KLRG1: variants seen among roughly 807,000 people sequenced by gnomAD.
KLRG1 encodes killer cell lectin like receptor G1.
A neutral mutation model predicts 21.8 loss-of-function variants in KLRG1; 16 were observed. The ratio of observed to expected loss-of-function variants is 0.73; its 90% CI spans 0.50 to 1.11. The LOEUF (loss-of-function observed/expected upper bound fraction) is 1.11, where lower values mean the gene tolerates loss of function less well. Among genes scored for constraint, KLRG1 ranks in the 50% most tolerant of loss-of-function variants. The pLI, the probability that KLRG1 is intolerant of heterozygous loss-of-function variation, is 0.00. For synonymous variants in KLRG1, 69 were observed against 75.9 expected (o/e 0.91, Z 0.47); for missense variants, 173 against 218.3 (o/e 0.79, Z 1.31).
chr12:9,172,707 A>G, the KLRG1 span, among the ~76,000 whole-genome samples: 2 of 152,196 alleles, frequency 1.3e-5, no homozygotes, highest in Non-Finnish European at 2.9e-5. Flanking sequence ...ACTTTAAACC[A>G]ACAAAGATCA....
At chr12:9,133,740 A>G in the KLRG1 span, among the ~76,000 whole-genome samples, 1 of 152,194 alleles carries the variant, frequency 6.6e-6, no homozygotes, top group South Asian at 2.1e-4. Context: ...GAGAGGGCCA[A>G]TGTGCTGACA....
the KLRG1 span, among the ~76,000 whole-genome samples, chr12:9,023,394 T>C: frequency 2.6e-5 from 4 of 152,270 alleles, no homozygotes; most frequent in African/African-American, 9.6e-5. Context: ...TTTGGTGTTT[T>C]TTTTCCTATT....
At chr12:9,173,033 A>G in the KLRG1 span, among the ~76,000 whole-genome samples, 1 of 152,358 alleles carries the variant, frequency 6.6e-6, no homozygotes, top group South Asian at 2.1e-4. Flanking sequence ...CATTCTTCTC[A>G]TTGCCACATG....
At chr12:9,139,059 A>G in the KLRG1 span, among the ~76,000 whole-genome samples, 56 of 152,066 alleles carry the variant, frequency 3.7e-4, no homozygotes, top group African/African-American at 1.3e-3. Flanking sequence ...TAATGTAGGT[A>G]TTTATCACAG....
At chr12:9,102,729 A>C in the KLRG1 span, among the ~76,000 whole-genome samples, 6 of 152,244 alleles carry the variant, frequency 3.9e-5, no homozygotes, top group Non-Finnish European at 7.3e-5. Context: ...GACAACACAT[A>C]TATGATCACC....
chr12:8,993,081 ATTT>A (rs35555710), intron 2 of KLRG1, among the ~76,000 whole-genome samples: 92,497 of 128,868 alleles, frequency 0.72, 32,916 homozygotes, highest in Non-Finnish European at 0.79. Flanking sequence ...AACATTCTGA[ATTT>A]TTTTTTTTTT....
At chr12:9,068,858 CAATT>C in the KLRG1 span, 2 of 1,552,284 alleles carry the variant, frequency 1.3e-6, no homozygotes, top group Non-Finnish European at 1.8e-6. Context: ...AAGCAAAAGT[CAATT>C]AAATGACCTT....
chr12:9,163,658 A>G, the KLRG1 span: 2 of 1,612,334 alleles, frequency 1.2e-6, no homozygotes, highest in Non-Finnish European at 1.7e-6. Flanking sequence ...GACTCCCAAA[A>G]ATATGTTACC....
the KLRG1 span, chr12:9,058,718 T>C: frequency 6.5e-6 from 1 of 152,710 alleles, no homozygotes; most frequent in East Asian, 1.9e-4. Flanking sequence ...TAATGACTGC[T>C]CTTCTCGTAC....
chr12:9,181,277 T>C, the KLRG1 span: 1 of 1,064,790 alleles, frequency 9.4e-7, no homozygotes, highest in Non-Finnish European at 1.3e-6. Flanking sequence ...ACAACTTTCC[T>C]TCACTTTAAA....
At chr12:9,043,076 C>CTTT in the KLRG1 span, among the ~76,000 whole-genome samples, 36 of 131,174 alleles carry the variant, frequency 2.7e-4, no homozygotes, top group East Asian at 1.1e-3. Context: ...TGGCAGATAT[C>CTTT]TTTTTTTTTT....
At chr12:9,029,810 G>T in the KLRG1 span, among the ~76,000 whole-genome samples, 1 of 152,188 alleles carries the variant, frequency 6.6e-6, no homozygotes, top group South Asian at 2.1e-4. Flanking sequence ...AGGCTGGAGC[G>T]CAATGGCATG....
chr12:9,194,576 T>C, the KLRG1 span, among the ~76,000 whole-genome samples: 3 of 150,568 alleles, frequency 2.0e-5, no homozygotes, highest in South Asian at 2.2e-4. Context: ...GCCATTCTCC[T>C]GCCTCAGCCT....
chr12:9,189,333 T>C, the KLRG1 span, among the ~76,000 whole-genome samples: 1 of 151,836 alleles, frequency 6.6e-6, no homozygotes, highest in Admixed American at 6.6e-5. Flanking sequence ...GCAGAGACCA[T>C]AAATAATGCT....
At chr12:9,211,335 A>G in the KLRG1 span, among the ~76,000 whole-genome samples, 3,901 of 151,682 alleles carry the variant, frequency 0.026, 79 homozygotes, top group Non-Finnish European at 0.038. Flanking sequence ...TATTTACATG[A>G]CCTGTCTTCA....
chr12:9,034,694 G>A, the KLRG1 span, among the ~76,000 whole-genome samples: 5 of 152,164 alleles, frequency 3.3e-5, no homozygotes, highest in Admixed American at 1.3e-4. Flanking sequence ...TGATCCGCCC[G>A]CCTCGGCCTC....
At chr12:9,161,024 G>A in the KLRG1 span, 1 of 1,558,308 alleles carries the variant, frequency 6.4e-7, no homozygotes, top group African/African-American at 1.4e-5. Flanking sequence ...TAAATGGAAG[G>A]TGACTCACCC....
At chr12:8,973,267 C>A (rs879117726) in intron 1 of KLRG1, among the ~76,000 whole-genome samples, 4 of 151,754 alleles carry the variant, frequency 2.6e-5, no homozygotes, top group Admixed American at 2.6e-4. Flanking sequence ...GTATGTGTCC[C>A]CTCAAATTAA....
At chr12:9,015,727 G>A (rs917108955), downstream of KLRG1, among the ~76,000 whole-genome samples, 2 of 152,100 alleles carry the variant, frequency 1.3e-5, no homozygotes, top group African/African-American at 4.8e-5. Context: ...CTCAGCATAT[G>A]GATCATTCTC....
Sources: gnomAD v4.1 joint callset for allele counts (sites outside exome capture counted in the v4.1 genomes callset) on GRCh38, gnomAD v4.1.1 for gene constraint, MANE v1.5 for transcripts, NCBI Gene and HGNC (gene_info 2026-07-23, HGNC 2026-07-21) for gene names.